STRADA: variants seen among roughly 807,000 people sequenced by gnomAD.
The protein encoded by STRADA is STE20 related adaptor alpha.
STRADA carries 26 observed loss-of-function variants against 55.0 expected under a neutral mutation model. That is an observed-to-expected ratio of 0.47 (90% confidence interval 0.35 to 0.66). The LOEUF is 0.66. STRADA is among the 30% of genes least tolerant of loss of function. The pLI, the probability that STRADA is intolerant of heterozygous loss-of-function variation, is 0.01. For missense variants in STRADA, 443 were observed against 549.7 expected (o/e 0.81, Z 1.94); for synonymous variants, 197 against 210.9 (o/e 0.93, Z 0.57).
At chr17:63,706,893 T>C (rs2036128834) in intron 9 of STRADA, among the ~76,000 whole-genome samples, 154 bp from the exon 10 acceptor site, 1 of 152,216 alleles carries the variant, frequency 6.6e-6, no homozygotes, top group Non-Finnish European at 1.5e-5. Context: ...TAACTGGTAT[T>C]TTACCACCTG....
At chr17:63,739,785 TATA>T (rs1439897166) in intron 1 of STRADA, among the ~76,000 whole-genome samples, 82 of 81,566 alleles carry the variant, frequency 1.0e-3, no homozygotes, top group Non-Finnish European at 1.8e-3. Context: ...CATATATACA[TATA>T]ATGTACATAA....
chr17:63,739,661 CAT>C (rs2038715309), intron 1 of STRADA, among the ~76,000 whole-genome samples: 1 of 148,950 alleles, frequency 6.7e-6, no homozygotes, highest in South Asian at 2.1e-4. Flanking sequence ...ATATATTATG[CAT>C]ATATGTATAT....
At chr17:63,706,518 A>C in intron 10 of STRADA, 117 bp downstream of exon 10, 1 of 730,990 alleles carries the variant, frequency 1.4e-6, no homozygotes, top group Non-Finnish European at 2.3e-6. Flanking sequence ...TCTTGAAGGA[A>C]AAGACAGGGT....
rs1379002888 is a variant in STRADA at position 63,713,461 on chromosome 17, G to C, written c.293C>G (p.Thr98Ser). The C allele has an allele frequency of 6.2e-7, 1 of 1,614,162 alleles. No homozygotes were observed. Among genetic ancestry groups the C allele is most frequent in the Non-Finnish European group, 8.5e-7 (1 of 1,180,024 alleles). ...ARYKPTGEYVTVRRINLEACS... is the reference protein window; with the variant it reads ...ARYKPTGEYVSVRRINLEACS... ...AGCTTCTAGGTTAATCCTCCGTACA[G>C]TCACGTACTCTCCTGTTGGTTTGTA... Residue 98 changes from threonine to serine, a missense_variant, in exon 6 of 13, where the codon ACT (threonine) becomes AGT (serine). Thr to Ser is a moderately conservative substitution (Grantham distance 58, BLOSUM62 1). Transcript: ENST00000336174.
In STRADA at chr17:63,728,735, TAA is replaced by T. The variant is rs36091754; in HGVS notation, c.-44-324_-44-323del. The stretch of plus-strand genomic sequence containing the variant: ...CCAACATGGTGAAACCCCATCTCTA[TAA>T]AAAAAAAAAAAAAAAAAAAAAAAGC... On this transcript the variant is annotated intron_variant, in intron 1 of 12. Transcript: ENST00000336174. Among the ~76,000 whole-genome samples, 153 of 112,406 alleles carry T rather than the reference TAA, an allele frequency of 1.4e-3. 5 individuals are homozygous for T. The highest frequency in any genetic ancestry group is 2.8e-3 in the African/African-American group (83 of 29,612). 73.7% of individuals were successfully genotyped at this position (112,406 alleles called of 152,430 possible). A position where few individuals can be genotyped will look rare whatever the true frequency, so the allele number is the denominator to read the frequency against.
chr17:63,703,470 C>G lies in STRADA; in HGVS notation c.*129G>C, dbSNP rs1373361702. On this transcript the variant is annotated 3_prime_UTR_variant, in exon 13 of 13. Transcript: ENST00000336174. The stretch of plus-strand genomic sequence containing the variant: ...TTTTCTTTCCCAATCAGTCAGCAGT[C>G]AACTTTCCTGGAAGAATGTCCTTTC... 22 of 904,576 alleles carry G rather than the reference C, an allele frequency of 2.4e-5. No homozygotes were observed. In the African/African-American group the frequency reaches 3.4e-4, roughly 14 times the overall value. The allele number at this position is 904,576 out of a possible 1,614,324, so 56.0% of individuals were successfully genotyped here.
intron 5 of STRADA, 146 bp downstream of exon 5, chr17:63,713,858 CAG>C: frequency 1.4e-6 from 1 of 710,378 alleles, no homozygotes; most frequent in South Asian, 1.8e-5. Flanking sequence ...CATAAAAAAA[CAG>C]AGAAGACCCA....
At chr17:63,731,546 G>A (rs1012571875) in intron 1 of STRADA, among the ~76,000 whole-genome samples, 1 of 152,104 alleles carries the variant, frequency 6.6e-6, no homozygotes, top group African/African-American at 2.4e-5. Flanking sequence ...TTACAGGCAT[G>A]AGCCACCGCG....
intron 12 of STRADA, 76 bp from the exon 13 acceptor site, chr17:63,703,827 G>A (rs2035874719): frequency 1.2e-6 from 2 of 1,609,074 alleles, no homozygotes; most frequent in South Asian, 1.1e-5. Context: ...AGGAACCATG[G>A]CCTGGTGGCA....
At chr17:63,738,005 G>A (rs2038573628) in intron 1 of STRADA, among the ~76,000 whole-genome samples, 2 of 150,582 alleles carry the variant, frequency 1.3e-5, no homozygotes, top group African/African-American at 2.4e-5. Context: ...GAAAAGAGAA[G>A]AGAAAAGAAA....
chr17:63,704,916 G>C (rs2035981621), intron 10 of STRADA: 1 of 1,535,730 alleles, frequency 6.5e-7, no homozygotes, highest in Non-Finnish European at 8.7e-7. Context: ...ACCCTAGAGG[G>C]AAGGAGCAGT....
In STRADA at chr17:63,703,511, G is replaced by T; in HGVS notation, c.*88C>A. 2 of 1,284,014 alleles carry T rather than the reference G, an allele frequency of 1.6e-6. No homozygotes were observed. The highest frequency in any genetic ancestry group is 2.1e-6 in the Non-Finnish European group (2 of 930,762). The allele number at this position is 1,284,014 out of a possible 1,614,324, so 79.5% of individuals were successfully genotyped here. ...ATGTCCTTTCTACCCAATCTGCCCAGGAGGGCGGGAATGTGGCCGGCCCTC... is the reference window on the plus strand; with the variant it reads ...ATGTCCTTTCTACCCAATCTGCCCATGAGGGCGGGAATGTGGCCGGCCCTC... On this transcript the variant is annotated 3_prime_UTR_variant, in exon 13 of 13. Transcript: ENST00000336174.
intron 10 of STRADA, 36 bp downstream of exon 10, chr17:63,706,599 G>T: frequency 6.7e-7 from 1 of 1,499,654 alleles, no homozygotes; most frequent in Non-Finnish European, 9.3e-7. Context: ...TGGAAGGCAA[G>T]CAGGCAAGAA....
chr17:63,711,065 C>A, intron 6 of STRADA: 1 of 541,344 alleles, frequency 1.8e-6, no homozygotes, highest in Non-Finnish European at 3.3e-6. Context: ...CTGCCAACAA[C>A]AAAGGGTGCC....
At chr17:63,703,894 C>T (rs1328450595) in intron 12 of STRADA, 111 bp downstream of exon 12, 26 of 1,607,000 alleles carry the variant, frequency 1.6e-5, no homozygotes, top group East Asian at 2.2e-5. Context: ...TCAGGGGCTT[C>T]GGAAGCGGGG....
At chr17:63,710,441 G>C (rs754481584) in intron 8 of STRADA, 50 bp downstream of exon 8, 1 of 1,609,434 alleles carries the variant, frequency 6.2e-7, no homozygotes, top group South Asian at 1.1e-5. Flanking sequence ...TGAAGGCTCA[G>C]GGGCATAGCT....
In STRADA at chr17:63,703,723, G is replaced by T; in HGVS notation, c.1172C>A (p.Pro391His). ...GGGGGTGACAGGACGAAGCAATTCG[G>T]GCAAAGCCTCTGAGGCACGTCGCTT... Reference protein sequence around the residue: ...QIKRRASEALPELLRPVTPIT... With the variant: ...QIKRRASEALHELLRPVTPIT... Residue 391 changes from proline to histidine, a missense_variant, in exon 13 of 13, where the codon CCC (proline) becomes CAC (histidine). By Grantham distance (77) the Pro-to-His change is moderately conservative. Transcript: ENST00000336174. The T allele has an allele frequency of 6.2e-7, 1 of 1,614,162 alleles. No individual in the cohort carries two copies. The highest frequency in any genetic ancestry group is 1.1e-5 in the South Asian group (1 of 91,084).
At position 63,710,617 on chromosome 17, in the gene STRADA, G is replaced by A. The variant is rs774256608; in HGVS notation, c.458-3C>T. 16 of 1,613,928 alleles carry A rather than the reference G, an allele frequency of 9.9e-6. No individual in the cohort carries two copies. The African/African-American group carries it at 1.9e-4, about 19-fold the overall frequency. ...ACAGATGAGATCTTTTGCAGAACCT[G>A]CAGAAAAGGATTGCATGGAGGCAGT... On this transcript the variant is annotated splice_region_variant and splice_polypyrimidine_tract_variant and intron_variant, in intron 7 of 12. Transcript: ENST00000336174.
At chr17:63,706,414 C>T (rs897918566) in intron 10 of STRADA, 48 of 508,948 alleles carry the variant, frequency 9.4e-5, no homozygotes, top group Non-Finnish European at 1.3e-4. Flanking sequence ...CCCCTGCTCC[C>T]GGGCTCCCCT....
Sources: allele counts gnomAD v4.1 joint callset (sites outside exome capture counted in the v4.1 genomes callset), GRCh38; gene constraint gnomAD v4.1.1; transcripts MANE v1.5; gene names NCBI Gene and HGNC (gene_info 2026-07-23, HGNC 2026-07-21).